CPS1: variants seen among roughly 807,000 people sequenced by gnomAD.
The protein encoded by CPS1 is carbamoyl-phosphate synthase [ammonia], mitochondrial.
Under a neutral mutation model 174.6 loss-of-function variants are expected in CPS1, and 109 were observed. The observed-to-expected ratio is 0.62, with a 90% CI of 0.53 to 0.73. The LOEUF is 0.73. CPS1 is among the 30% of genes least tolerant of loss of function. The probability of loss-of-function intolerance (pLI) is 0.00; values close to 1 mark genes in which losing one functional copy is unlikely to be tolerated. For synonymous variants in CPS1, 637 were observed against 632.0 expected, an observed-to-expected ratio of 1.01 and a Z score of -0.12; for missense variants, 1,689 against 1,821.9, an observed-to-expected ratio of 0.93 and a Z score of 1.33.
intron 1 of CPS1, among the ~76,000 whole-genome samples, chr2:210,498,690 G>A (rs1695067010): frequency 6.6e-6 from 1 of 152,116 alleles, no homozygotes; most frequent in Non-Finnish European, 1.5e-5. Context: ...CATGGAGCTG[G>A]GAAACCTTTC....
intron 33 of CPS1, among the ~76,000 whole-genome samples, chr2:210,667,738 T>G (rs567830321): frequency 2.0e-5 from 3 of 152,302 alleles, no homozygotes; most frequent in South Asian, 2.1e-4. Flanking sequence ...TTTCTGCTAC[T>G]GACCGGTAAA....
chr2:210,646,843 G>A (rs1348433472), intron 25 of CPS1, among the ~76,000 whole-genome samples: 2 of 152,030 alleles, frequency 1.3e-5, no homozygotes, highest in Admixed American at 6.6e-5. Flanking sequence ...AAGGGACTTC[G>A]ACTGGAAATC....
intron 21 of CPS1, among the ~76,000 whole-genome samples, chr2:210,620,495 G>A (rs1699474976): frequency 6.6e-6 from 1 of 152,066 alleles, no homozygotes; most frequent in African/African-American, 2.4e-5. Flanking sequence ...TCTGAGACTG[G>A]GTAGTTTATG....
Position 210,645,568 on chromosome 2 carries a change from G to T in CPS1, c.3142-2295G>T, listed in dbSNP as rs146098513. On this transcript the variant is annotated intron_variant, in intron 25 of 37. Coordinates refer to ENST00000233072, the MANE Select transcript of CPS1 (RefSeq NM_001875.5). ...CCAGGATTTGGGGAGGCTAAGGAGG[G>T]TAGATCACTTGAGGCCAGGAGTTCA... is the stretch of plus-strand genomic sequence containing the variant. 1.8e-4 allele frequency among the ~76,000 whole-genome samples: 28 copies of T among 152,240 alleles called. No homozygotes were observed. In the East Asian group the frequency reaches 5.4e-3, roughly 29 times the overall value.
intron 1 of CPS1, among the ~76,000 whole-genome samples, chr2:210,526,454 A>G (rs1280959497): frequency 1.3e-5 from 2 of 151,884 alleles, no homozygotes; most frequent in African/African-American, 2.4e-5. Flanking sequence ...CTTTGGTGCC[A>G]TGGACTCAAG....
chr2:210,588,724 C>T (rs1698189963), intron 7 of CPS1, among the ~76,000 whole-genome samples: 1 of 152,160 alleles, frequency 6.6e-6, no homozygotes, highest in East Asian at 1.9e-4. Flanking sequence ...CACATCTCCC[C>T]TCCATACACA....
chr2:210,481,930 G>A (rs996566546), intron 1 of CPS1, among the ~76,000 whole-genome samples: 1 of 152,210 alleles, frequency 6.6e-6, no homozygotes, highest in Admixed American at 6.5e-5. Flanking sequence ...CATGCTACTG[G>A]TCAGCCAGTG....
chr2:210,600,488 A>G, intron 14 of CPS1, 67 bp from the exon 15 acceptor site: 1 of 1,457,548 alleles, frequency 6.9e-7, no homozygotes. Flanking sequence ...AGTTGTATTC[A>G]GTTGTCTATT....
intron 33 of CPS1, among the ~76,000 whole-genome samples, chr2:210,664,140 CT>C (rs1394886276): frequency 2.0e-5 from 3 of 151,950 alleles, no homozygotes; most frequent in Non-Finnish European, 4.4e-5. Flanking sequence ...TTTGTTGCTT[CT>C]TTTAATTTAA....
intron 20 of CPS1, among the ~76,000 whole-genome samples, chr2:210,615,027 G>GTATATA (rs140533115): frequency 1.3e-5 from 2 of 149,782 alleles, no homozygotes; most frequent in African/African-American, 4.9e-5. Context: ...AGAACTTAAA[G>GTATATA]TATATATATA....
chr2:210,590,662 C>A (rs929012210), intron 8 of CPS1, 138 bp from the exon 9 acceptor site: 3 of 676,828 alleles, frequency 4.4e-6, no homozygotes, highest in Admixed American at 2.4e-5. Flanking sequence ...CAATTATGTC[C>A]TTTTTTATAT....
At chr2:210,589,039 A>G (rs1698200013) in intron 7 of CPS1, among the ~76,000 whole-genome samples, 1 of 152,004 alleles carries the variant, frequency 6.6e-6, no homozygotes, top group Non-Finnish European at 1.5e-5. Context: ...GCATAGAATT[A>G]ATGATCTCTG....
chr2:210,595,400 A>T, intron 12 of CPS1, 87 bp from the exon 13 acceptor site: 1 of 905,340 alleles, frequency 1.1e-6, no homozygotes, highest in South Asian at 1.3e-5. Context: ...AAACTCAGAC[A>T]ATGTGGTTTG....
chr2:210,595,628 G>T, intron 13 of CPS1, 46 bp downstream of exon 13: 2 of 1,231,866 alleles, frequency 1.6e-6, no homozygotes, highest in Non-Finnish European at 1.2e-6. Flanking sequence ...TTCCTTTAAT[G>T]AGTCTAATTA....
intron 1 of CPS1, 101 bp downstream of exon 1, chr2:210,556,960 C>A: frequency 1.6e-6 from 2 of 1,290,216 alleles, no homozygotes; most frequent in South Asian, 1.2e-5. Flanking sequence ...TTGAATGTAG[C>A]TCTGAAGTAC....
intron 21 of CPS1, among the ~76,000 whole-genome samples, chr2:210,634,206 G>A (rs377215270): frequency 1.3e-5 from 2 of 152,292 alleles, no homozygotes; most frequent in South Asian, 4.1e-4. Context: ...CGAGGCAGGC[G>A]GATCACAAGG....
At chr2:210,505,444 C>G (rs537476845) in intron 1 of CPS1, among the ~76,000 whole-genome samples, 495 of 152,230 alleles carry the variant, frequency 3.3e-3, no homozygotes, top group Non-Finnish European at 5.7e-3. Context: ...CAGCTCCAGT[C>G]TACTGCTCCC....
chr2:210,671,892 A>T (rs1208098028), intron 34 of CPS1: 1 of 152,318 alleles, frequency 6.6e-6, no homozygotes, highest in Admixed American at 6.5e-5. Flanking sequence ...AAAGAAAAAA[A>T]TTACATTCTA....
rs560594052 is a variant in CPS1, at chr2:210,642,835, C to T, written c.3141+170C>T. On this transcript the variant is annotated intron_variant, in intron 25 of 37. Transcript: ENST00000233072. The stretch of plus-strand genomic sequence containing the variant: ...TGTAGTAAAACTCTAAAAAAAATCA[C>T]TCCATTCTTATATTTTTGAGCCCCT... 6.6e-5 allele frequency among the ~76,000 whole-genome samples: 10 copies of T among 152,310 alleles called. 1 individual carries two copies. The highest frequency in any genetic ancestry group is 2.4e-4 in the African/African-American group (10 of 41,574).
Sources: gnomAD v4.1 joint callset for allele counts (sites outside exome capture counted in the v4.1 genomes callset) on GRCh38, gnomAD v4.1.1 for gene constraint, MANE v1.5 for transcripts, NCBI Gene and HGNC (gene_info 2026-07-23, HGNC 2026-07-21) for gene names.